LANCL1: variants seen among roughly 807,000 people sequenced by gnomAD.
LANCL1 encodes the protein glutathione S-transferase LANCL1.
Under a neutral mutation model 50.6 loss-of-function variants are expected in LANCL1, and 50 were observed. The observed-to-expected ratio is 0.99, with a 90% CI of 0.79 to 1.25. LANCL1 has a LOEUF of 1.25. LANCL1 is among the 50% of genes most tolerant of loss of function. LANCL1 has a pLI of 0.00. For missense variants in LANCL1, 532 were observed against 480.7 expected (o/e 1.11, Z -1.00); for synonymous variants, 188 against 178.6 (o/e 1.05, Z -0.42).
At chr2:210,454,224 AC>A (rs1327903255) in intron 4 of LANCL1, among the ~76,000 whole-genome samples, 2 of 5,028 alleles carry the variant, frequency 4.0e-4, no homozygotes, top group Admixed American at 2.6e-3. Context: ...ATACATACAC[AC>A]ACACACACAC....
chr2:210,451,869 T>G (rs1437208292), intron 4 of LANCL1, among the ~76,000 whole-genome samples: 1 of 152,214 alleles, frequency 6.6e-6, no homozygotes, highest in Non-Finnish European at 1.5e-5. Context: ...AACAAAGTTT[T>G]GATACATTCT....
At chr2:210,441,247 T>C in intron 5 of LANCL1, 61 bp downstream of exon 5, 1 of 1,524,026 alleles carries the variant, frequency 6.6e-7, no homozygotes, top group Non-Finnish European at 9.0e-7. Flanking sequence ...AACAATAGTT[T>C]AGGCAGATAG....
At chr2:210,456,872 T>C (rs944899423) in intron 3 of LANCL1, among the ~76,000 whole-genome samples, 4 of 152,216 alleles carry the variant, frequency 2.6e-5, no homozygotes, top group Non-Finnish European at 4.4e-5. Flanking sequence ...TTAGCAACAA[T>C]TCCTCTTGGC....
chr2:210,473,955 C>T (rs1301468374), intron 2 of LANCL1, among the ~76,000 whole-genome samples: 2 of 152,164 alleles, frequency 1.3e-5, no homozygotes, highest in Non-Finnish European at 1.5e-5. Flanking sequence ...ATATTGAGAA[C>T]ACGTCATCTA....
chr2:210,437,728 C>A lies in LANCL1; in HGVS notation c.835G>T (p.Ala279Ser). ...RDLLVHWCHG[A>S]PGVIYMLIQA... ...ATGAGCATGTAGATTACCCCAGGGG[C>A]GCCATGGCACCAATGGACAAGCAGA... Residue 279 changes from alanine to serine, a missense_variant, in exon 7 of 10, where the codon GCC (alanine) becomes TCC (serine). Physicochemically the swap from Ala to Ser is moderately conservative, Grantham distance 99. Transcript: ENST00000450366. 7 of 1,609,990 alleles carry A rather than the reference C, an allele frequency of 4.3e-6. No homozygotes were observed. Among genetic ancestry groups the A allele is most frequent in the Middle Eastern group, 1.7e-4 (1 of 6,034 alleles).
chr2:210,470,175 C>T (rs985423958), intron 3 of LANCL1, among the ~76,000 whole-genome samples: 4 of 152,148 alleles, frequency 2.6e-5, no homozygotes, highest in African/African-American at 9.7e-5. Context: ...ATGACATTAT[C>T]TATCAACCAC....
At position 210,434,404 on chromosome 2, in the gene LANCL1, T is replaced by C; in HGVS notation, c.*83A>G. ...GTCCACAGTTTGACTCTTTGTTTCCTTGGAAAGCAACGGAAGCACTTAGCT... is the reference window on the plus strand; with the variant it reads ...GTCCACAGTTTGACTCTTTGTTTCCCTGGAAAGCAACGGAAGCACTTAGCT... On this transcript the variant is annotated 3_prime_UTR_variant, in exon 10 of 10. Transcript: ENST00000450366. 3 of 1,030,498 alleles carry C rather than the reference T, an allele frequency of 2.9e-6. No homozygotes were observed. The highest frequency in any genetic ancestry group is 1.6e-5 in the South Asian group (1 of 61,634). 63.8% of individuals were successfully genotyped at this position (1,030,498 alleles called of 1,614,324 possible).
In LANCL1 at chr2:210,476,277, G is replaced by A. The variant is rs1480503280; in HGVS notation, c.81+39C>T. On this transcript the variant is annotated intron_variant, in intron 2 of 9. Coordinates refer to ENST00000450366, the MANE Select transcript of LANCL1 (RefSeq NM_006055.3). Reference sequence around the variant, plus strand: ...ATGAGCACCTTTCCGAACACCGTGGGGAGAGGCAGGGATGCAGGCAGACAT... The same window carrying A: ...ATGAGCACCTTTCCGAACACCGTGGAGAGAGGCAGGGATGCAGGCAGACAT... The A allele has an allele frequency of 2.7e-6, 4 of 1,479,434 alleles. No homozygotes were observed. The South Asian group carries it at 4.6e-5, about 17-fold the overall frequency. 91.6% of individuals were successfully genotyped at this position (1,479,434 alleles called of 1,614,324 possible). A position where few individuals can be genotyped will look rare whatever the true frequency, so the allele number is the denominator to read the frequency against.
In LANCL1 at chr2:210,434,566, G is replaced by T; in HGVS notation, c.1124-3C>A. Reference sequence around the variant, plus strand: ...GAAATATATTGTTCCAGCCATTCCTGAAGAAAGAGAAAGAGGCAAAAGTTA... The same window carrying T: ...GAAATATATTGTTCCAGCCATTCCTTAAGAAAGAGAAAGAGGCAAAAGTTA... On this transcript the variant is annotated splice_polypyrimidine_tract_variant and splice_region_variant and intron_variant, in intron 9 of 9. Transcript: ENST00000450366. 1 of 1,612,228 alleles carries T rather than the reference G, an allele frequency of 6.2e-7. No homozygotes were observed. The highest frequency in any genetic ancestry group is 8.5e-7 in the Non-Finnish European group (1 of 1,178,842).
At chr2:210,435,051 A>G (rs554836705) in intron 9 of LANCL1, among the ~76,000 whole-genome samples, 1 of 152,266 alleles carries the variant, frequency 6.6e-6, no homozygotes, top group East Asian at 1.9e-4. Flanking sequence ...CAGCCCTGCC[A>G]TTTACCAAAC....
At chr2:210,471,174 G>A (rs1291177363) in intron 3 of LANCL1, among the ~76,000 whole-genome samples, 6 of 150,800 alleles carry the variant, frequency 4.0e-5, no homozygotes, top group Non-Finnish European at 8.8e-5. Flanking sequence ...AGCCTCCTGA[G>A]TAGCTGGGAC....
At chr2:210,462,088 C>A (rs763353834) in intron 3 of LANCL1, among the ~76,000 whole-genome samples, 1 of 152,110 alleles carries the variant, frequency 6.6e-6, no homozygotes, top group African/African-American at 2.4e-5. Flanking sequence ...GGATCAAAAC[C>A]CAGACCAGCT....
chr2:210,476,543 T>G, intron 1 of LANCL1, 77 bp downstream of exon 1: 1 of 1,408,428 alleles, frequency 7.1e-7, no homozygotes, highest in Non-Finnish European at 9.3e-7. Flanking sequence ...GCGGTCCGAG[T>G]GGACCTCGGG....
In LANCL1 at chr2:210,435,391, A is replaced by G. The variant is rs138496251; in HGVS notation, c.1119T>C (p.Phe373=). The G allele has an allele frequency of 2.6e-5, 42 of 1,609,334 alleles. No individual in the cohort carries two copies. Among genetic ancestry groups the G allele is most frequent in the Admixed American group, 3.3e-5 (2 of 59,986 alleles). ...CRTPDTPFSL[F]EGMAGTIYFL... is the part of the protein sequence containing the mutation. ...TAAATAAAGTGTACAAAATACCTTC[A>G]AAGAGAGAGAAAGGGGTGTCTGGTG... Residue 373 remains phenylalanine (F), a synonymous_variant, in exon 9 of 10, where the codon TTT becomes TTC. Coordinates refer to ENST00000450366, the MANE Select transcript of LANCL1 (RefSeq NM_006055.3).
chr2:210,474,516 C>A (rs1694301627), intron 2 of LANCL1, among the ~76,000 whole-genome samples: 1 of 150,422 alleles, frequency 6.6e-6, no homozygotes, highest in Admixed American at 6.6e-5. Context: ...AGGAGTTCGA[C>A]ACCAGCCTGG....
At chr2:210,443,718 G>A (rs1248904333) in intron 4 of LANCL1, among the ~76,000 whole-genome samples, 4 of 152,092 alleles carry the variant, frequency 2.6e-5, no homozygotes. Context: ...CAAACATCAG[G>A]TCCCTCCAAC....
intron 4 of LANCL1, among the ~76,000 whole-genome samples, chr2:210,444,540 C>CAGTT (rs1693251276): frequency 6.6e-6 from 1 of 152,154 alleles, no homozygotes; most frequent in Admixed American, 6.5e-5. Flanking sequence ...TGGCTAGTTG[C>CAGTT]AGTTAGTGAA....
intron 3 of LANCL1, chr2:210,469,228 A>C (rs1430965413): frequency 6.6e-6 from 1 of 152,188 alleles, no homozygotes; most frequent in Non-Finnish European, 1.5e-5. Flanking sequence ...CTTGGTAATA[A>C]AACGGCAGTT....
chr2:210,469,745 A>C (rs1694168614), intron 3 of LANCL1, among the ~76,000 whole-genome samples: 1 of 152,178 alleles, frequency 6.6e-6, no homozygotes, highest in South Asian at 2.1e-4. Context: ...TGTCTTTGCT[A>C]TTTCCAAAGT....
Sources: gnomAD v4.1 joint callset for allele counts (sites outside exome capture counted in the v4.1 genomes callset) on GRCh38, gnomAD v4.1.1 for gene constraint, MANE v1.5 for transcripts, NCBI Gene and HGNC (gene_info 2026-07-23, HGNC 2026-07-21) for gene names.